The following MDFI variants were observed in gnomAD, a reference collection of about 807,000 sequenced individuals.
MDFI encodes the protein MyoD family inhibitor, also known as inhibitor of MyoD family a.
Under a neutral mutation model 22.3 loss-of-function variants are expected in MDFI, and 16 were observed. That is an observed-to-expected ratio of 0.72 (90% confidence interval 0.49 to 1.09). MDFI has a LOEUF of 1.09. Among genes scored for constraint, MDFI ranks in the 50% least tolerant of loss-of-function variants. MDFI has a pLI of 0.00. For missense variants in MDFI, 314 were observed against 326.1 expected (o/e 0.96, Z 0.29); for synonymous variants, 145 against 142.7 (o/e 1.02, Z -0.12).
Position 41,653,367 on chromosome 6 carries a change from C to A in MDFI, c.533C>A (p.Thr178Lys), listed in dbSNP as rs374281068. Residue 178 changes from threonine (T) to lysine (K), a missense_variant, in exon 5 of 5, where the codon ACG (threonine) becomes AAG (lysine). Coordinates refer to ENST00000230321, the MANE Select transcript of MDFI (RefSeq NM_005586.4). The surrounding 1 kb of genome is among the most constrained non-coding windows in gnomAD (Gnocchi z 4.2). ...TCCTGCCTGTTCTGCGAGTTCCTGACGCTGTGCAACATCGTCCTGGACTGC... is the reference window on the plus strand; with the variant it reads ...TCCTGCCTGTTCTGCGAGTTCCTGAAGCTGTGCAACATCGTCCTGGACTGC... Reference protein sequence around the residue: ...ILSCLFCEFLTLCNIVLDCAT... With the variant: ...ILSCLFCEFLKLCNIVLDCAT... 68 of 1,612,512 alleles carry A rather than the reference C, an allele frequency of 4.2e-5. No homozygotes were observed. In the Admixed American group the frequency reaches 7.5e-4, roughly 18 times the overall value.
Position 41,653,357 on chromosome 6 carries a change from G to A in MDFI, c.523G>A (p.Glu175Lys), listed in dbSNP as rs777584138. ...VHCILSCLFCEFLTLCNIVLD... is the reference protein window; with the variant it reads ...VHCILSCLFCKFLTLCNIVLD... ...CTGCATCCTGTCCTGCCTGTTCTGCGAGTTCCTGACGCTGTGCAACATCGT... is the reference window on the plus strand; with the variant it reads ...CTGCATCCTGTCCTGCCTGTTCTGCAAGTTCCTGACGCTGTGCAACATCGT... The change falls in exon 5 of 5, where the codon GAG becomes AAG. Residue 175 changes from glutamate to lysine, a missense_variant. Physicochemically the swap from Glu to Lys is moderately conservative, Grantham distance 56 (BLOSUM62 1). Coordinates refer to ENST00000230321, the MANE Select transcript of MDFI (RefSeq NM_005586.4). The surrounding 1 kb of genome is among the most constrained non-coding windows in gnomAD (Gnocchi z 4.2). The A allele has an allele frequency of 5.6e-6, 9 of 1,612,452 alleles. No homozygotes were observed. The African/African-American group carries it at 6.7e-5, about 12-fold the overall frequency.
At chr6:41,652,608 CTT>C (rs3050047) in intron 4 of MDFI, among the ~76,000 whole-genome samples, 1 of 84,408 alleles carries the variant, frequency 1.2e-5, no homozygotes, top group Non-Finnish European at 2.1e-5. Context: ...CTCTCCCTCT[CTT>C]TTTTTTTTTT....
At chr6:41,639,973 A>G (rs1163429403) in intron 2 of MDFI, 12 of 959,992 alleles carry the variant, frequency 1.3e-5, no homozygotes, top group Non-Finnish European at 1.4e-5. Context: ...GAGTGAGGAC[A>G]AGTGGAAGAT....
At chr6:41,645,367 G>C (rs1437769036) in intron 2 of MDFI, among the ~76,000 whole-genome samples, 1 of 151,698 alleles carries the variant, frequency 6.6e-6, no homozygotes, top group Non-Finnish European at 1.5e-5. Flanking sequence ...GCCTCCTGCC[G>C]CCCCTGCACA....
chr6:41,652,371 C>T (rs1177073612), intron 4 of MDFI, among the ~76,000 whole-genome samples: 1 of 152,168 alleles, frequency 6.6e-6, no homozygotes, highest in East Asian at 1.9e-4. Flanking sequence ...CCTCAGAGGC[C>T]ACTTCAAAGA....
Position 41,653,911 on chromosome 6 carries a change from T to G in MDFI, c.*336T>G. 2 of 355,972 alleles carry G rather than the reference T, an allele frequency of 5.6e-6. No individual in the cohort carries two copies. The highest frequency in any genetic ancestry group is 1.0e-5 in the Non-Finnish European group (2 of 192,396). The allele number at this position is 355,972 out of a possible 1,614,324, so 22.1% of individuals were successfully genotyped here. On this transcript the variant is annotated 3_prime_UTR_variant, in exon 5 of 5. Coordinates refer to ENST00000230321, the MANE Select transcript of MDFI (RefSeq NM_005586.4). This position sits in a 1 kb window ranked among gnomAD's most constrained non-coding sequence, Gnocchi z 4.2. ...GGGGGCAGCCAGGGCTGGGGAACAC[T>G]GTGAAAGTTACTTGGGGAGGGTGGG... is the stretch of plus-strand genomic sequence containing the variant.
intron 3 of MDFI, among the ~76,000 whole-genome samples, chr6:41,648,224 A>G (rs1768130125): frequency 6.6e-6 from 1 of 151,864 alleles, no homozygotes; most frequent in African/African-American, 2.4e-5. Context: ...CCAGCTCCTA[A>G]TCTCTAACAC....
At position 41,638,687 on chromosome 6, in the gene MDFI, A is replaced by T. The variant is rs1046714649; in HGVS notation, c.-12+35A>T. 1.3e-6 allele frequency: 2 copies of T among 1,504,058 alleles called. No homozygotes were observed. Among genetic ancestry groups the T allele is most frequent in the African/African-American group, 2.8e-5 (2 of 71,902 alleles). 93.2% of individuals were successfully genotyped at this position (1,504,058 alleles called of 1,614,324 possible). On this transcript the variant is annotated intron_variant, in intron 1 of 4. Transcript: ENST00000230321. The surrounding 1 kb of genome is among the most constrained non-coding windows in gnomAD (Gnocchi z 7.6). ...CGTGGGAGGCGCGCATCTGCGGGGG[A>T]ATCGCCCCTTGCCCGCCTCCGGCGC...
chr6:41,649,198 C>T (rs750029847), intron 3 of MDFI, among the ~76,000 whole-genome samples: 7 of 152,204 alleles, frequency 4.6e-5, no homozygotes, highest in Non-Finnish European at 1.0e-4. Flanking sequence ...TGGCAGAGGC[C>T]GAGGTGAAGA....
intron 2 of MDFI, 126 bp from the exon 3 acceptor site, chr6:41,646,000 A>G (rs1418055250): frequency 1.1e-6 from 1 of 871,392 alleles, no homozygotes; most frequent in Non-Finnish European, 1.7e-6. Flanking sequence ...TAAGGGCTGC[A>G]TAACTGATGC....
intron 4 of MDFI, chr6:41,650,109 C>T: frequency 2.2e-6 from 1 of 446,510 alleles, no homozygotes; most frequent in East Asian, 3.8e-5. Context: ...ACCTCCCCAC[C>T]CCACCCCAAA....
rs2127438291 is a variant in MDFI, at chr6:41,653,877, G to A, written c.*302G>A. 4.2e-6 allele frequency: 2 copies of A among 474,418 alleles called. No individual in the cohort carries two copies. The highest frequency in any genetic ancestry group is 2.5e-5 in the South Asian group (1 of 40,392). 29.4% of individuals were successfully genotyped at this position (474,418 alleles called of 1,614,324 possible). On this transcript the variant is annotated 3_prime_UTR_variant, in exon 5 of 5. Transcript: ENST00000230321. This position sits in a 1 kb window ranked among gnomAD's most constrained non-coding sequence, Gnocchi z 4.2. ...ACAACCTAGGGGCAGGGCTGGGGTG[G>A]GGACCGCAGGGGGCAGCCAGGGCTG...
chr6:41,648,661 A>T (rs1768145562), intron 3 of MDFI, among the ~76,000 whole-genome samples: 1 of 152,124 alleles, frequency 6.6e-6, no homozygotes, highest in Non-Finnish European at 1.5e-5. Context: ...CCTGCCCAGG[A>T]GTCAGGACCC....
chr6:41,639,121 G>T, intron 2 of MDFI: 1 of 559,926 alleles, frequency 1.8e-6, no homozygotes, highest in Non-Finnish European at 2.2e-6. Flanking sequence ...TACACTCCGC[G>T]GTGTCTGTCC....
In MDFI at chr6:41,653,357, G is replaced by T; in HGVS notation, c.523G>T (p.Glu175Ter). ...VHCILSCLFC[E>*]FLTLCNIVLD... The stretch of plus-strand genomic sequence containing the variant: ...CTGCATCCTGTCCTGCCTGTTCTGC[G>T]AGTTCCTGACGCTGTGCAACATCGT... The change falls in exon 5 of 5, where the codon GAG (glutamate) becomes TAG (stop). Residue 175 changes from glutamate to a stop codon, truncating the protein, a stop_gained. Coordinates refer to ENST00000230321, the MANE Select transcript of MDFI (RefSeq NM_005586.4). LOFTEE classifies it high-confidence loss of function. The surrounding 1 kb of genome is among the most constrained non-coding windows in gnomAD (Gnocchi z 4.2). The T allele has an allele frequency of 6.2e-7, 1 of 1,612,572 alleles. No individual in the cohort carries two copies. Among genetic ancestry groups the T allele is most frequent in the South Asian group, 1.1e-5 (1 of 91,074 alleles).
intron 4 of MDFI, among the ~76,000 whole-genome samples, chr6:41,651,419 CAGA>C (rs1172825951): frequency 2.7e-5 from 4 of 148,800 alleles, no homozygotes; most frequent in Admixed American, 1.3e-4. Flanking sequence ...CTTAAAAGAC[CAGA>C]AGGAGGCTCC....
At position 41,653,945 on chromosome 6, in the gene MDFI, G is replaced by C. The variant is rs1188640893; in HGVS notation, c.*370G>C. ...TACTTGGGGAGGGTGGGCCGGTGGG[G>C]CCGTAGCTCTCTACCTCTCCCTGCT... On this transcript the variant is annotated 3_prime_UTR_variant, in exon 5 of 5. Transcript: ENST00000230321. The surrounding 1 kb of genome is among the most constrained non-coding windows in gnomAD (Gnocchi z 4.2). The C allele has an allele frequency of 9.8e-6, 3 of 304,590 alleles. No individual in the cohort carries two copies. Among genetic ancestry groups the C allele is most frequent in the Non-Finnish European group, 1.2e-5 (2 of 160,998 alleles). The allele number at this position is 304,590 out of a possible 1,614,324, so 18.9% of individuals were successfully genotyped here. A position where few individuals can be genotyped will look rare whatever the true frequency, so the allele number is the denominator to read the frequency against.
rs1365137245 is a variant in MDFI, at chr6:41,653,740, G to C, written c.*165G>C. The C allele has an allele frequency of 8.9e-6, 8 of 897,582 alleles. No homozygotes were observed. Among genetic ancestry groups the C allele is most frequent in the African/African-American group, 3.4e-5 (2 of 59,522 alleles). The allele number at this position is 897,582 out of a possible 1,614,324, so 55.6% of individuals were successfully genotyped here. On this transcript the variant is annotated 3_prime_UTR_variant, in exon 5 of 5. Coordinates refer to ENST00000230321, the MANE Select transcript of MDFI (RefSeq NM_005586.4). This position sits in a 1 kb window ranked among gnomAD's most constrained non-coding sequence, Gnocchi z 4.2. ...TCAGAACCCCAGCCTTGAAAATAGTGGGGGGCACTCAGAGGGGCCACCTCC... is the reference window on the plus strand; with the variant it reads ...TCAGAACCCCAGCCTTGAAAATAGTCGGGGGCACTCAGAGGGGCCACCTCC...
chr6:41,639,850 C>T, intron 2 of MDFI: 1 of 985,460 alleles, frequency 1.0e-6, no homozygotes, highest in Non-Finnish European at 1.2e-6. Flanking sequence ...TGGCCTGAGC[C>T]TCCACATGCG....
Sources: gnomAD v4.1 joint callset for allele counts (sites outside exome capture counted in the v4.1 genomes callset) on GRCh38, gnomAD v4.1.1 for gene constraint, Gnocchi (gnomAD v3.1) non-coding constraint, MANE v1.5 for transcripts, NCBI Gene and HGNC (gene_info 2026-07-23, HGNC 2026-07-21) for gene names.